RAD54B: variants seen among roughly 807,000 people sequenced by gnomAD.
The protein encoded by RAD54B is DNA repair and recombination protein RAD54B.
In RAD54B, 78 loss-of-function variants were observed where a neutral mutation model predicts 95.8. That is an observed-to-expected ratio of 0.81 (90% CI 0.68 to 0.98). The LOEUF (loss-of-function observed/expected upper bound fraction) is 0.98, where lower values mean the gene tolerates loss of function less well. RAD54B is among the 50% of genes least tolerant of loss of function. The pLI is 0.00. For synonymous variants in RAD54B, 328 were observed against 354.9 expected (o/e 0.92, Z 0.85); for missense variants, 957 against 1,056.6 (o/e 0.91, Z 1.31).
intron 2 of RAD54B, among the ~76,000 whole-genome samples, chr8:94,463,945 C>T (rs993636272): frequency 6.9e-6 from 1 of 145,264 alleles, no homozygotes. Context: ...AACGAAAACA[C>T]ATATCCACAC....
chr8:94,432,663 C>A (rs1363825380), intron 3 of RAD54B: 1 of 1,492,142 alleles, frequency 6.7e-7, no homozygotes, highest in South Asian at 1.4e-5. Context: ...TGCACTATAG[C>A]ACACAAAAAA....
At chr8:94,449,554 A>G (rs1812605048) in intron 3 of RAD54B, among the ~76,000 whole-genome samples, 1 of 150,716 alleles carries the variant, frequency 6.6e-6, no homozygotes, top group South Asian at 2.1e-4. Flanking sequence ...TGTTACAGTG[A>G]GCCAAGATCG....
intron 11 of RAD54B, among the ~76,000 whole-genome samples, chr8:94,386,121 T>C (rs1355827173): frequency 6.6e-6 from 1 of 152,200 alleles, no homozygotes; most frequent in Non-Finnish European, 1.5e-5. Flanking sequence ...AAGTAGCTTA[T>C]AAGAGATCAT....
intron 4 of RAD54B, among the ~76,000 whole-genome samples, chr8:94,409,811 TA>T (rs1811483165): frequency 6.6e-6 from 1 of 152,142 alleles, no homozygotes; most frequent in South Asian, 2.1e-4. Flanking sequence ...ACCTTAGGGG[TA>T]AAAGATATTC....
intron 3 of RAD54B, among the ~76,000 whole-genome samples, chr8:94,440,851 C>T (rs1167204480): frequency 6.6e-6 from 1 of 152,064 alleles, no homozygotes; most frequent in African/African-American, 2.4e-5. Flanking sequence ...AAGAGAGAGA[C>T]CCTCTCATAT....
chr8:94,378,707 A>G (rs1045553929), intron 12 of RAD54B, 73 bp from the exon 13 acceptor site: 5 of 1,041,956 alleles, frequency 4.8e-6, no homozygotes, highest in Non-Finnish European at 7.2e-6. Flanking sequence ...CAATTTGCAG[A>G]AATATGTTTT....
rs746441406 is a variant in RAD54B at position 94,458,322 on chromosome 8, C to T, written c.250G>A (p.Gly84Arg). 1.7e-5 allele frequency: 27 copies of T among 1,609,996 alleles called. No homozygotes were observed. In the African/African-American group the frequency reaches 1.7e-4, roughly 10 times the overall value. ...GTAGGTGCTTCAAAACAATATTTTC[C>T]ACTGCAATTATCTCTGTTATTGATT... ...REINNRDNCS[G>R]KYCFEAPTLA... is the part of the protein sequence containing the mutation. Residue 84 changes from glycine (G) to arginine (R), a missense_variant, in exon 3 of 15, where the codon GGA (glycine) becomes AGA (arginine). Transcript: ENST00000336148.
chr8:94,468,983 T>C (rs1586045581), intron 1 of RAD54B, among the ~76,000 whole-genome samples: 1 of 151,082 alleles, frequency 6.6e-6, no homozygotes, highest in Non-Finnish European at 1.5e-5. Context: ...ACAAAACATA[T>C]GAGAATAAGC....
rs529445341 is a variant in RAD54B, at chr8:94,448,519, G to A, written c.304+9749C>T. ...CTCAAAAATCTGCACTCCCATGTTC[G>A]CTGCATCATGGGAGCACACACACAT... is the stretch of plus-strand genomic sequence containing the variant. On this transcript the variant is annotated intron_variant, in intron 3 of 14. Transcript: ENST00000336148. 5.9e-5 allele frequency among the ~76,000 whole-genome samples: 9 copies of A among 152,136 alleles called. No individual in the cohort carries two copies. The South Asian group carries it at 1.5e-3, about 25-fold the overall frequency.
intron 3 of RAD54B, among the ~76,000 whole-genome samples, chr8:94,453,173 C>G (rs1812706036): frequency 6.6e-6 from 1 of 152,072 alleles, no homozygotes; most frequent in African/African-American, 2.4e-5. Context: ...ACTAAATATC[C>G]ATTATTAAGA....
At chr8:94,471,268 C>CGGG (rs34892988) in intron 1 of RAD54B, among the ~76,000 whole-genome samples, 272 of 137,496 alleles carry the variant, frequency 2.0e-3, no homozygotes, top group African/African-American at 7.3e-3. Flanking sequence ...TAATGGGTGG[C>CGGG]GGGGGGGGGC....
chr8:94,403,506 G>A (rs574667077), intron 6 of RAD54B, among the ~76,000 whole-genome samples: 2 of 151,804 alleles, frequency 1.3e-5, no homozygotes, highest in Admixed American at 6.6e-5. Flanking sequence ...GTGAAACCCC[G>A]TCTCTACTAA....
intron 3 of RAD54B, among the ~76,000 whole-genome samples, chr8:94,435,789 C>T (rs2130118865): frequency 6.6e-6 from 1 of 152,142 alleles, no homozygotes; most frequent in East Asian, 1.9e-4. Context: ...AAAGCTTACT[C>T]TTTCCTATAC....
chr8:94,445,936 A>G (rs1020175827), intron 3 of RAD54B, among the ~76,000 whole-genome samples: 6 of 152,226 alleles, frequency 3.9e-5, no homozygotes, highest in African/African-American at 1.4e-4. Context: ...TTGATGGATA[A>G]ATATATAATA....
chr8:94,437,013 AT>A (rs1812283902), intron 3 of RAD54B: 3 of 1,382,588 alleles, frequency 2.2e-6, no homozygotes, highest in Non-Finnish European at 2.8e-6. Context: ...GTTTATTAAA[AT>A]TCCTCCAGCT....
rs1810700025 is a variant in RAD54B at position 94,380,202 on chromosome 8, A to C, written c.2190T>G (p.Ile730Met). 1 of 1,613,366 alleles carries C rather than the reference A, an allele frequency of 6.2e-7. No individual in the cohort carries two copies. The highest frequency in any genetic ancestry group is 8.5e-7 in the Non-Finnish European group (1 of 1,179,506). ...CATAGAGAATTAAGTGAGATCCTCC[A>C]ATGAGGTTAAGTCCTACACCACCAG... ...SKAGGVGLNLIGGSHLILYDI... is the reference protein window; with the variant it reads ...SKAGGVGLNLMGGSHLILYDI... Residue 730 changes from isoleucine to methionine, a missense_variant, in exon 12 of 15, where the codon ATT becomes ATG. Transcript: ENST00000336148.
At position 94,400,394 on chromosome 8, in the gene RAD54B, C is replaced by A; in HGVS notation, c.1014G>T (p.Ser338=). 6.2e-7 allele frequency: 1 copy of A among 1,613,614 alleles called. No individual in the cohort carries two copies. Among genetic ancestry groups the A allele is most frequent in the Non-Finnish European group, 8.5e-7 (1 of 1,179,846 alleles). The change falls in exon 7 of 15, where the codon TCG becomes TCT. Residue 338 remains serine, a synonymous_variant. Coordinates refer to ENST00000336148, the MANE Select transcript of RAD54B (RefSeq NM_012415.3). ...MGLGKTLQCI[S]LIWTLQCQGP... ...CCTGACACTGCAGGGTCCAGATGAG[C>A]GAAATACATTGCAATGTCTTCCCTA...
At chr8:94,414,815 T>G (rs1811618111) in intron 3 of RAD54B, among the ~76,000 whole-genome samples, 1 of 152,092 alleles carries the variant, frequency 6.6e-6, no homozygotes, top group Non-Finnish European at 1.5e-5. Flanking sequence ...ACAAGGGACG[T>G]GAAGGACCTC....
At chr8:94,463,294 C>T (rs1812948815) in intron 2 of RAD54B, among the ~76,000 whole-genome samples, 1 of 149,334 alleles carries the variant, frequency 6.7e-6, no homozygotes, top group African/African-American at 2.5e-5. Flanking sequence ...AGACAGTTCT[C>T]CAAAGAGATA....
Sources: allele counts gnomAD v4.1 joint callset (sites outside exome capture counted in the v4.1 genomes callset), GRCh38; gene constraint gnomAD v4.1.1; transcripts MANE v1.5; gene names NCBI Gene and HGNC (gene_info 2026-07-23, HGNC 2026-07-21).